ZNF407: variants seen among roughly 807,000 people sequenced by gnomAD.
The protein encoded by ZNF407 is zinc finger protein 407.
A neutral mutation model predicts 131.2 loss-of-function variants in ZNF407; 17 were observed. The observed-to-expected ratio is 0.13, with a 90% CI of 0.09 to 0.19. The LOEUF (loss-of-function observed/expected upper bound fraction) is 0.19, where lower values mean the gene tolerates loss of function less well. Among genes scored for constraint, ZNF407 ranks in the 10% least tolerant of loss-of-function variants. ZNF407 has a pLI of 1.00. For missense variants in ZNF407, 2,681 were observed against 2,830.6 expected (o/e 0.95, Z 1.20); for synonymous variants, 1,156 against 1,062.0 (o/e 1.09, Z -1.72).
chr18:74,753,836 G>T (rs1161259219), intron 3 of ZNF407, among the ~76,000 whole-genome samples: 1 of 152,038 alleles, frequency 6.6e-6, no homozygotes, highest in Non-Finnish European at 1.5e-5. Context: ...TTGTGTCTCT[G>T]CCAGGCTTTG....
At chr18:74,615,070 C>T (rs1376877842) in intron 1 of ZNF407, among the ~76,000 whole-genome samples, 2 of 152,186 alleles carry the variant, frequency 1.3e-5, no homozygotes, top group African/African-American at 4.8e-5. Context: ...TCCATGCTTA[C>T]TTTCTTCTGT....
At chr18:74,636,998 A>G (rs1289489376) in intron 2 of ZNF407, among the ~76,000 whole-genome samples, 1 of 152,222 alleles carries the variant, frequency 6.6e-6, no homozygotes, top group Non-Finnish European at 1.5e-5. Flanking sequence ...GAATAAAACT[A>G]AGAGGAAGAT....
rs575506670 is a variant in ZNF407, at chr18:74,912,082, A to G, written c.5250-8432A>G. Reference sequence around the variant, plus strand: ...ATGGATCTTCCTGGGGAAAATGGGAATCAGTGTTTGTTTAGAATCTCTGTG... The same window carrying G: ...ATGGATCTTCCTGGGGAAAATGGGAGTCAGTGTTTGTTTAGAATCTCTGTG... On this transcript the variant is annotated intron_variant, in intron 7 of 8. Coordinates refer to ENST00000299687, the MANE Select transcript of ZNF407 (RefSeq NM_017757.3). Among the ~76,000 whole-genome samples the G allele has an allele frequency of 1.4e-4, 21 of 152,262 alleles. No individual in the cohort carries two copies. In the South Asian group the frequency reaches 4.4e-3, roughly 32 times the overall value.
chr18:74,866,449 A>C (rs1030042213), intron 4 of ZNF407, among the ~76,000 whole-genome samples: 2 of 152,192 alleles, frequency 1.3e-5, no homozygotes, highest in South Asian at 2.1e-4. Flanking sequence ...GAAATGCCTA[A>C]GTGTGGAAAG....
intron 8 of ZNF407, among the ~76,000 whole-genome samples, chr18:74,988,102 G>C (rs1334969748): frequency 6.6e-6 from 1 of 152,168 alleles, no homozygotes; most frequent in Non-Finnish European, 1.5e-5. Context: ...TAGTCGGAAG[G>C]CCACAAATAG....
Position 74,635,473 on chromosome 18 carries a change from C to T in ZNF407, c.4454C>T (p.Thr1485Ile). The change falls in exon 2 of 9, where the codon ACC (threonine) becomes ATC (isoleucine). Residue 1485 changes from threonine to isoleucine, a missense_variant. By Grantham distance (89) the Thr-to-Ile change is moderately conservative. Around this residue, in one of 6 missense-constraint regions of ZNF407, gnomAD observed 213 missense variants for 332.2 expected, o/e 0.64. Transcript: ENST00000299687. This position sits in a 1 kb window ranked among gnomAD's most constrained non-coding sequence, Gnocchi z 4.7. Reference sequence around the variant, plus strand: ...GAGGAGCTTCCGGAGGGAGGGGCCACCTTTAAATGTGTCAAGTGCACAGAG... The same window carrying T: ...GAGGAGCTTCCGGAGGGAGGGGCCATCTTTAAATGTGTCAAGTGCACAGAG... The part of the protein sequence containing the change: ...SVEELPEGGA[T>I]FKCVKCTEPF... The T allele has an allele frequency of 6.2e-7, 1 of 1,612,806 alleles. No individual in the cohort carries two copies. Among genetic ancestry groups the T allele is most frequent in the East Asian group, 2.2e-5 (1 of 44,872 alleles).
At chr18:74,764,690 A>C (rs976808491) in intron 3 of ZNF407, among the ~76,000 whole-genome samples, 3 of 152,282 alleles carry the variant, frequency 2.0e-5, no homozygotes, top group South Asian at 2.1e-4. Flanking sequence ...ACAATGTGGA[A>C]GTGAGGGGCT....
intron 3 of ZNF407, among the ~76,000 whole-genome samples, chr18:74,737,377 T>A (rs1968442490): frequency 2.6e-5 from 4 of 152,234 alleles, no homozygotes. Flanking sequence ...TATCTTACTC[T>A]GGAGAAATGT....
intron 4 of ZNF407, among the ~76,000 whole-genome samples, chr18:74,844,926 G>A (rs1417828701): frequency 6.6e-6 from 1 of 152,174 alleles, no homozygotes; most frequent in Admixed American, 6.5e-5. Context: ...GGGCACATAG[G>A]CATCCAACTA....
intron 3 of ZNF407, among the ~76,000 whole-genome samples, chr18:74,766,039 GTGTGTGTGTGTGTGTGTC>G (rs1356948819): frequency 7.0e-6 from 1 of 142,622 alleles, no homozygotes; most frequent in South Asian, 2.2e-4. Flanking sequence ...GTGTGTGTGT[GTGTGTGTGTGTGTGTGTC>G]TGTGTCTGTG....
At chr18:74,619,648 T>C (rs1474260878) in intron 1 of ZNF407, among the ~76,000 whole-genome samples, 1 of 152,208 alleles carries the variant, frequency 6.6e-6, no homozygotes, top group East Asian at 1.9e-4. Flanking sequence ...TTTTAGTGAA[T>C]AGACCGTTTA....
intron 8 of ZNF407, among the ~76,000 whole-genome samples, chr18:75,017,761 C>T (rs1973062112): frequency 6.6e-6 from 1 of 152,150 alleles, no homozygotes; most frequent in South Asian, 2.1e-4. Flanking sequence ...CTCCTCATTG[C>T]TCCTCCTGCT....
chr18:75,026,264 A>G (rs1028056443), intron 8 of ZNF407, among the ~76,000 whole-genome samples: 4 of 152,260 alleles, frequency 2.6e-5, no homozygotes, highest in East Asian at 1.9e-4. Flanking sequence ...GAAAAGCATT[A>G]CTAGTACTCA....
chr18:74,956,139 C>T (rs1419709754), intron 8 of ZNF407, among the ~76,000 whole-genome samples: 3 of 152,144 alleles, frequency 2.0e-5, no homozygotes, highest in African/African-American at 7.2e-5. Flanking sequence ...AAATGAATCC[C>T]CAGCCTCCAG....
At chr18:75,062,836 G>C in intron 8 of ZNF407, 1 of 239,012 alleles carries the variant, frequency 4.2e-6, no homozygotes, top group Non-Finnish European at 8.0e-6. Flanking sequence ...GTTGGGGGGA[G>C]GTATCCAGCC....
At chr18:74,989,873 C>T (rs544649140) in intron 8 of ZNF407, among the ~76,000 whole-genome samples, 1 of 151,600 alleles carries the variant, frequency 6.6e-6, no homozygotes, top group Non-Finnish European at 1.5e-5. Flanking sequence ...ATTTCCTAAT[C>T]ATAAAAAAAT....
At chr18:74,966,756 G>A (rs946190675) in intron 8 of ZNF407, among the ~76,000 whole-genome samples, 4 of 152,066 alleles carry the variant, frequency 2.6e-5, no homozygotes, top group Non-Finnish European at 5.9e-5. Context: ...GGGTGATATG[G>A]ACATTATAAC....
At chr18:74,772,954 G>A (rs867380392) in intron 3 of ZNF407, among the ~76,000 whole-genome samples, 10 of 152,292 alleles carry the variant, frequency 6.6e-5, no homozygotes, top group South Asian at 4.1e-4. Flanking sequence ...ACTAAATCGG[G>A]AAGGTGGTAC....
In ZNF407 at chr18:75,053,529, C is replaced by T. The variant is rs147726241; in HGVS notation, c.5429-9621C>T. On this transcript the variant is annotated intron_variant, in intron 8 of 8. Coordinates refer to ENST00000299687, the MANE Select transcript of ZNF407 (RefSeq NM_017757.3). ...CATTCCAGAGTCAGGGTTCATGCCT[C>T]ATAGTTTGTCTTTTGTTTGATTTTT... Among the ~76,000 whole-genome samples the T allele has an allele frequency of 2.7e-3, 409 of 152,242 alleles. 5 individuals are homozygous for T. The highest frequency in any genetic ancestry group is 9.4e-3 in the African/African-American group (391 of 41,538).
Sources: gnomAD v4.1 joint callset for allele counts (sites outside exome capture counted in the v4.1 genomes callset) on GRCh38, gnomAD v4.1.1 for gene constraint, gnomAD v4.1.1 regional missense constraint, Gnocchi (gnomAD v3.1) non-coding constraint, MANE v1.5 for transcripts, NCBI Gene and HGNC (gene_info 2026-07-23, HGNC 2026-07-21) for gene names.